IL1RAPL1: variants seen among roughly 807,000 people sequenced by gnomAD.
IL1RAPL1 encodes interleukin-1 receptor accessory protein-like 1.
A neutral mutation model predicts 48.4 loss-of-function variants in IL1RAPL1; 3 were observed. The ratio of observed to expected loss-of-function variants is 0.06; its 90% CI spans 0.03 to 0.16. The LOEUF (loss-of-function observed/expected upper bound fraction) is 0.16, where lower values mean the gene tolerates loss of function less well. IL1RAPL1 is among the 10% of genes least tolerant of loss of function. IL1RAPL1 has a pLI of 1.00. For missense variants in IL1RAPL1, 349 were observed against 530.6 expected (o/e 0.66, Z 3.36); for synonymous variants, 185 against 187.7 (o/e 0.99, Z 0.12).
intron 6 of IL1RAPL1, among the ~76,000 whole-genome samples, chrX:29,698,130 C>T (rs780110439): frequency 9.1e-6 from 1 of 109,808 alleles, no homozygotes; most frequent in South Asian, 4.0e-4. Flanking sequence ...CTTTTCCCAA[C>T]TAAAGCTTTC....
At chrX:28,777,574 T>G (rs1022538072) in intron 1 of IL1RAPL1, among the ~76,000 whole-genome samples, 11 of 111,739 alleles carry the variant, frequency 9.8e-5, no homozygotes, top group South Asian at 3.7e-4. Flanking sequence ...ATACTTATAT[T>G]TCTTTTCCTT....
At chrX:29,252,364 T>A (rs942833096) in intron 2 of IL1RAPL1, among the ~76,000 whole-genome samples, 19 of 113,789 alleles carry the variant, frequency 1.7e-4, no homozygotes, top group Admixed American at 1.8e-4. Flanking sequence ...TTTCTGTAGT[T>A]GATCACTAGA....
intron 6 of IL1RAPL1, among the ~76,000 whole-genome samples, chrX:29,774,082 C>A (rs1929132849): frequency 9.0e-6 from 1 of 111,182 alleles, no homozygotes; most frequent in Non-Finnish European, 1.9e-5. Flanking sequence ...TCAGCAGTAT[C>A]TTTCTTGCCT....
At chrX:28,900,729 A>G (rs1324163294) in intron 2 of IL1RAPL1, among the ~76,000 whole-genome samples, 1 of 111,471 alleles carries the variant, frequency 9.0e-6, no homozygotes, top group Non-Finnish European at 1.9e-5. Flanking sequence ...ACTTCCAGGT[A>G]TTTTTATTTG....
intron 6 of IL1RAPL1, among the ~76,000 whole-genome samples, chrX:29,708,689 G>C: frequency 8.9e-6 from 1 of 112,276 alleles, no homozygotes. Context: ...TGGGAGTGCA[G>C]ATAGCTCTTC....
At chrX:29,222,280 G>A (rs752903309) in intron 2 of IL1RAPL1, among the ~76,000 whole-genome samples, 1 of 111,735 alleles carries the variant, frequency 8.9e-6, no homozygotes, top group African/African-American at 3.2e-5. Context: ...ACAAACGTTA[G>A]CTGAAACCTC....
intron 3 of IL1RAPL1, among the ~76,000 whole-genome samples, chrX:29,376,261 A>G (rs780689843): frequency 9.0e-6 from 1 of 111,620 alleles, no homozygotes; most frequent in Non-Finnish European, 1.9e-5. Flanking sequence ...TTTTGATAAG[A>G]TATATCCCGA....
chrX:28,903,588 A>G (rs775233586), intron 2 of IL1RAPL1, among the ~76,000 whole-genome samples: 19 of 110,234 alleles, frequency 1.7e-4, no homozygotes, highest in Admixed American at 1.7e-3. Context: ...AATTCCTGTC[A>G]TTCCTTCCTT....
chrX:28,911,491 C>G (rs933237001), intron 2 of IL1RAPL1, among the ~76,000 whole-genome samples: 7 of 111,171 alleles, frequency 6.3e-5, no homozygotes, highest in African/African-American at 2.0e-4. Flanking sequence ...ATCCTCTCAA[C>G]TCCCACAACT....
At chrX:29,376,024 A>G (rs1187506087) in intron 3 of IL1RAPL1, among the ~76,000 whole-genome samples, 14 of 111,510 alleles carry the variant, frequency 1.3e-4, no homozygotes, top group Non-Finnish European at 2.3e-4. Context: ...AGTTTTATTG[A>G]TCTGTTGAAT....
At chrX:29,482,850 C>T (rs922088344) in intron 5 of IL1RAPL1, among the ~76,000 whole-genome samples, 1 of 111,974 alleles carries the variant, frequency 8.9e-6, no homozygotes, top group Non-Finnish European at 1.9e-5. Flanking sequence ...ATTTTAAATA[C>T]TCATTTTATT....
chrX:28,760,072 T>G (rs1936151298), intron 1 of IL1RAPL1, among the ~76,000 whole-genome samples: 1 of 111,696 alleles, frequency 9.0e-6, no homozygotes, highest in Non-Finnish European at 1.9e-5. Flanking sequence ...GTTCCCTTTG[T>G]CGACATGTAG....
intron 6 of IL1RAPL1, among the ~76,000 whole-genome samples, chrX:29,768,997 C>T (rs748917549): frequency 9.0e-6 from 1 of 111,224 alleles, no homozygotes; most frequent in South Asian, 3.8e-4. Flanking sequence ...TCTGCTGGGA[C>T]AGGAAAAGGA....
chrX:29,652,485 G>A (rs776501138), intron 5 of IL1RAPL1, among the ~76,000 whole-genome samples: 1 of 111,120 alleles, frequency 9.0e-6, no homozygotes, highest in Non-Finnish European at 1.9e-5. Context: ...GAAAAGGAGG[G>A]GCATTCTAAA....
At chrX:29,127,289 C>T (rs1928917543) in intron 2 of IL1RAPL1, among the ~76,000 whole-genome samples, 1 of 111,033 alleles carries the variant, frequency 9.0e-6, no homozygotes, top group East Asian at 2.8e-4. Flanking sequence ...TGTCAAAACA[C>T]GATGCATGGT....
intron 3 of IL1RAPL1, among the ~76,000 whole-genome samples, chrX:29,306,400 G>T (rs1283768597): frequency 9.4e-6 from 1 of 106,840 alleles, no homozygotes; most frequent in African/African-American, 3.4e-5. Flanking sequence ...ATGGTGGTGG[G>T]TGCCTGTAAT....
chrX:28,975,540 TA>T (rs1338039797), intron 2 of IL1RAPL1, among the ~76,000 whole-genome samples: 3 of 111,723 alleles, frequency 2.7e-5, no homozygotes, highest in Admixed American at 9.5e-5. Context: ...AAATTAGAAG[TA>T]AAAAAATTGA....
chrX:29,540,344 G>T (rs1921395681), intron 5 of IL1RAPL1, among the ~76,000 whole-genome samples: 2 of 110,934 alleles, frequency 1.8e-5, no homozygotes, highest in African/African-American at 6.6e-5. Flanking sequence ...TCATTAAAAT[G>T]GTCATATTGT....
chrX:29,572,285 C>T (rs1922618741), intron 5 of IL1RAPL1, among the ~76,000 whole-genome samples: 2 of 111,637 alleles, frequency 1.8e-5, no homozygotes, highest in African/African-American at 3.3e-5. Flanking sequence ...ATCTTAAAAC[C>T]TATTTTAGGA....
Sources: gnomAD v4.1 joint callset for allele counts (sites outside exome capture counted in the v4.1 genomes callset) on GRCh38, gnomAD v4.1.1 for gene constraint, MANE v1.5 for transcripts, NCBI Gene and HGNC (gene_info 2026-07-23, HGNC 2026-07-21) for gene names.